Variants in STAT5B observed in about 807,000 individuals in gnomAD.
STAT5B encodes the protein transcription factor STAT5B.
STAT5B carries 21 observed loss-of-function variants against 107.8 expected under a neutral mutation model. That is an observed-to-expected ratio of 0.19 (90% CI 0.14 to 0.28). The LOEUF (loss-of-function observed/expected upper bound fraction) is 0.28. Ranked by LOEUF, STAT5B falls within the 10% of genes least tolerant of loss-of-function variation. The pLI, the probability that STAT5B is intolerant of heterozygous loss-of-function variation, is 1.00. For synonymous variants in STAT5B, 325 were observed against 401.7 expected (o/e 0.81, Z 2.28); for missense variants, 565 against 1,008.2 (o/e 0.56, Z 5.95).
intron 1 of STAT5B, among the ~76,000 whole-genome samples, chr17:42,235,768 G>C (rs1021598043): frequency 6.6e-6 from 1 of 152,196 alleles, no homozygotes; most frequent in Admixed American, 6.5e-5. Flanking sequence ...GAGCCACCAC[G>C]CTCGGCCAGG....
At position 42,201,005 on chromosome 17, in the gene STAT5B, C is replaced by T. The variant is rs561454695; in HGVS notation, c.*733G>A. The T allele has an allele frequency of 3.0e-5, 12 of 400,972 alleles. No homozygotes were observed. The highest frequency in any genetic ancestry group is 2.3e-4 in the African/African-American group (11 of 48,612). The allele number at this position is 400,972 out of a possible 1,614,324, so 24.8% of individuals were successfully genotyped here. On this transcript the variant is annotated 3_prime_UTR_variant, in exon 19 of 19. Coordinates refer to ENST00000293328, the MANE Select transcript of STAT5B (RefSeq NM_012448.4). ...ATTTCTCCAAACATATGTGCACACC[C>T]AGAGGAACTGAGTGGCAATTCCAGG...
intron 1 of STAT5B, among the ~76,000 whole-genome samples, chr17:42,244,497 ACTC>A (rs1157192907): frequency 6.6e-6 from 1 of 151,656 alleles, no homozygotes; most frequent in Admixed American, 6.6e-5. Context: ...CAGGAAAAAA[ACTC>A]CTCAGCTACT....
intron 1 of STAT5B, among the ~76,000 whole-genome samples, chr17:42,269,070 TATTTA>T (rs1281957566): frequency 2.0e-5 from 3 of 152,146 alleles, no homozygotes; most frequent in Admixed American, 2.0e-4. Context: ...GCTCTGAATT[TATTTA>T]ATTTATTTAT....
chr17:42,261,949 C>T (rs1186879603), intron 1 of STAT5B, among the ~76,000 whole-genome samples: 4 of 152,178 alleles, frequency 2.6e-5, no homozygotes, highest in African/African-American at 9.7e-5. Context: ...ATCCTTCCCC[C>T]TCAGCCTCCC....
intron 12 of STAT5B, among the ~76,000 whole-genome samples, chr17:42,214,954 T>C (rs1020754182): frequency 2.0e-5 from 3 of 152,132 alleles, no homozygotes; most frequent in Admixed American, 6.6e-5. Context: ...GATTTTGCTA[T>C]GCTGCCTAGG....
At chr17:42,263,871 G>GCGCACACACACA (rs1007528555) in intron 1 of STAT5B, among the ~76,000 whole-genome samples, 14 of 145,030 alleles carry the variant, frequency 9.7e-5, no homozygotes, top group South Asian at 2.2e-4. Context: ...TAGAAAGCGC[G>GCGCACACACACA]CACACACACA....
At chr17:42,274,522 C>A (rs968893959) in intron 1 of STAT5B, among the ~76,000 whole-genome samples, 2 of 152,158 alleles carry the variant, frequency 1.3e-5, no homozygotes, top group African/African-American at 4.8e-5. Context: ...TCCATTCTAA[C>A]AACTGTGATC....
At chr17:42,262,135 T>G (rs900993753) in intron 1 of STAT5B, among the ~76,000 whole-genome samples, 1 of 152,166 alleles carries the variant, frequency 6.6e-6, no homozygotes, top group Non-Finnish European at 1.5e-5. Context: ...TCATTCCTCT[T>G]CTTTAAACTC....
intron 5 of STAT5B, among the ~76,000 whole-genome samples, chr17:42,222,680 ATTT>A (rs112956748): frequency 1.1e-4 from 15 of 139,008 alleles, no homozygotes; most frequent in Non-Finnish European, 1.4e-4. Flanking sequence ...CCAGCTTAGA[ATTT>A]TTTTTTTTTT....
intron 1 of STAT5B, among the ~76,000 whole-genome samples, chr17:42,263,903 A>C (rs951414309): frequency 3.3e-5 from 5 of 151,672 alleles, no homozygotes; most frequent in African/African-American, 7.3e-5. Flanking sequence ...ACACACACAC[A>C]CACACACAGG....
intron 1 of STAT5B, among the ~76,000 whole-genome samples, chr17:42,255,799 C>T (rs1259857711): frequency 6.6e-6 from 1 of 152,200 alleles, no homozygotes; most frequent in Non-Finnish European, 1.5e-5. Flanking sequence ...TACTTTAAAA[C>T]AGTGAAAATG....
intron 1 of STAT5B, among the ~76,000 whole-genome samples, chr17:42,252,165 G>A (rs760396093): frequency 1.3e-4 from 20 of 152,130 alleles, no homozygotes; most frequent in Non-Finnish European, 2.4e-4. Context: ...ATTTAACAGT[G>A]CTGTGCGATA....
At chr17:42,246,694 T>C (rs1488807108) in intron 1 of STAT5B, among the ~76,000 whole-genome samples, 3 of 152,282 alleles carry the variant, frequency 2.0e-5, no homozygotes, top group East Asian at 1.9e-4. Flanking sequence ...CTCAGGAGGC[T>C]GAGACAGGAG....
intron 1 of STAT5B, among the ~76,000 whole-genome samples, chr17:42,249,007 A>G (rs541652433): frequency 2.0e-5 from 3 of 152,330 alleles, no homozygotes; most frequent in African/African-American, 7.2e-5. Context: ...AACGTGGTGG[A>G]AGTGTTAGGA....
intron 1 of STAT5B, chr17:42,234,456 A>C (rs2080341679): frequency 6.6e-6 from 1 of 152,244 alleles, no homozygotes. Context: ...CTTTATAATC[A>C]AACACTGGAA....
intron 12 of STAT5B, among the ~76,000 whole-genome samples, chr17:42,214,873 C>A (rs930259648): frequency 2.6e-5 from 4 of 152,294 alleles, no homozygotes; most frequent in Admixed American, 6.5e-5. Context: ...CCTCAGCCCC[C>A]CCCAAGTAGC....
At chr17:42,242,051 G>A (rs561952824) in intron 1 of STAT5B, among the ~76,000 whole-genome samples, 4 of 152,108 alleles carry the variant, frequency 2.6e-5, no homozygotes, top group Non-Finnish European at 5.9e-5. Flanking sequence ...AGAGATGATA[G>A]TATTCTGGGA....
chr17:42,236,532 C>T (rs998284524), intron 1 of STAT5B, among the ~76,000 whole-genome samples: 1 of 152,172 alleles, frequency 6.6e-6, no homozygotes, highest in Non-Finnish European at 1.5e-5. Flanking sequence ...GCCTCTGCCT[C>T]CCGAGTTCAA....
intron 1 of STAT5B, among the ~76,000 whole-genome samples, chr17:42,266,384 T>A (rs1336040975): frequency 1.3e-5 from 2 of 151,292 alleles, no homozygotes; most frequent in Non-Finnish European, 2.9e-5. Context: ...AATAATAAAT[T>A]AAAATAATAA....
Sources: gnomAD v4.1 joint callset for allele counts (sites outside exome capture counted in the v4.1 genomes callset) on GRCh38, gnomAD v4.1.1 for gene constraint, MANE v1.5 for transcripts, NCBI Gene and HGNC (gene_info 2026-07-23, HGNC 2026-07-21) for gene names.